The following MBTD1 variants were observed in gnomAD, a reference collection of about 807,000 sequenced individuals.
MBTD1 encodes the protein mbt domain containing 1.
MBTD1 carries 24 observed loss-of-function variants against 87.8 expected under a neutral mutation model. The observed-to-expected ratio is 0.27, with a 90% CI of 0.20 to 0.38. The LOEUF is 0.38. MBTD1 is among the 10% of genes least tolerant of loss of function. The pLI is 1.00. For missense variants in MBTD1, 436 were observed against 760.2 expected (o/e 0.57, Z 5.02); for synonymous variants, 237 against 248.6 (o/e 0.95, Z 0.44).
intron 10 of MBTD1, 70 bp from the exon 11 acceptor site, chr17:51,202,147 C>T: frequency 1.8e-5 from 16 of 872,720 alleles, no homozygotes; most frequent in Non-Finnish European, 2.7e-5. Context: ...TCTTTGAAGG[C>T]TTCAAACTCA....
chr17:51,179,519 TATA>T lies in MBTD1; in HGVS notation c.*1054_*1056del, dbSNP rs1243995849. ...ATATATATATATATATATATATATA[TATA>T]TATATATATATATATGGAATTTTAA... On this transcript the variant is annotated 3_prime_UTR_variant, in exon 17 of 17. Coordinates refer to ENST00000586178, the MANE Select transcript of MBTD1 (RefSeq NM_017643.3). 56 of 103,380 alleles carry T rather than the reference TATA, an allele frequency of 5.4e-4. 5 individuals carry two copies. Among genetic ancestry groups the T allele is most frequent in the African/African-American group, 2.0e-3 (53 of 27,040 alleles). 6.4% of individuals were successfully genotyped at this position (103,380 alleles called of 1,614,324 possible).
chr17:51,231,520 G>A (rs749683311), intron 2 of MBTD1, among the ~76,000 whole-genome samples: 1 of 152,040 alleles, frequency 6.6e-6, no homozygotes, highest in Non-Finnish European at 1.5e-5. Flanking sequence ...ACTTTAATAT[G>A]CTTATGAACA....
intron 16 of MBTD1, among the ~76,000 whole-genome samples, chr17:51,190,005 A>C (rs2050721991): frequency 6.6e-6 from 1 of 152,202 alleles, no homozygotes; most frequent in Non-Finnish European, 1.5e-5. Context: ...GTAGGTTGCT[A>C]CTTGTGTGTG....
intron 16 of MBTD1, among the ~76,000 whole-genome samples, chr17:51,187,559 T>G (rs375124169): frequency 6.6e-6 from 1 of 152,004 alleles, no homozygotes; most frequent in African/African-American, 2.4e-5. Context: ...TATTGAAAGC[T>G]GAAGGATCAG....
intron 16 of MBTD1, 94 bp from the exon 17 acceptor site, chr17:51,180,788 T>C: frequency 1.4e-6 from 1 of 693,150 alleles, no homozygotes. Flanking sequence ...TTACAGTTAT[T>C]AAGACTTCTT....
intron 6 of MBTD1, among the ~76,000 whole-genome samples, 180 bp from the exon 7 acceptor site, chr17:51,207,185 GA>G (rs1289940030): frequency 6.6e-6 from 1 of 152,082 alleles, no homozygotes; most frequent in African/African-American, 2.4e-5. Context: ...AAGATAAAGA[GA>G]AAATTCACAT....
At chr17:51,251,044 TTTC>T (rs1203166794) in intron 2 of MBTD1, 4 of 152,186 alleles carry the variant, frequency 2.6e-5, no homozygotes, top group African/African-American at 4.8e-5. Flanking sequence ...TTTCAGAATA[TTTC>T]TTAATTTTAT....
intron 2 of MBTD1, among the ~76,000 whole-genome samples, chr17:51,239,332 A>G (rs1325372694): frequency 6.6e-6 from 1 of 152,180 alleles, no homozygotes. Flanking sequence ...CATGTCCTTT[A>G]TTATAAGATC....
intron 16 of MBTD1, among the ~76,000 whole-genome samples, chr17:51,181,184 G>A (rs2050297982): frequency 6.6e-6 from 1 of 151,842 alleles, no homozygotes; most frequent in African/African-American, 2.4e-5. Context: ...CCACCACCAC[G>A]CCCAGCTAAT....
At position 51,255,880 on chromosome 17, in the gene MBTD1, T is replaced by A. The variant is rs8077566; in HGVS notation, c.-49+3263A>T. On this transcript the variant is annotated intron_variant, in intron 2 of 16. Transcript: ENST00000586178. ...CTCAAAGTATTGGGATTACAGGCGTTAGCCAACACACCTGGTTAATATTAA... is the reference window on the plus strand; with the variant it reads ...CTCAAAGTATTGGGATTACAGGCGTAAGCCAACACACCTGGTTAATATTAA... Among the ~76,000 whole-genome samples, 4 of 152,158 alleles carry A rather than the reference T, an allele frequency of 2.6e-5. No individual in the cohort carries two copies. The East Asian group carries it at 7.7e-4, about 29-fold the overall frequency.
intron 6 of MBTD1, 138 bp from the exon 7 acceptor site, chr17:51,207,143 C>G (rs1298677793): frequency 5.8e-6 from 3 of 521,720 alleles, no homozygotes; most frequent in Non-Finnish European, 1.0e-5. Context: ...TCCTAGAATT[C>G]TATCTGGAAA....
intron 1 of MBTD1, among the ~76,000 whole-genome samples, 193 bp downstream of exon 1, chr17:51,259,642 G>A (rs972978019): frequency 4.0e-5 from 6 of 150,948 alleles, no homozygotes; most frequent in African/African-American, 9.7e-5. Flanking sequence ...CAAGGCTGAC[G>A]GGGTGGGGGG....
rs941854883 is a variant in MBTD1 at position 51,178,990 on chromosome 17, G to A, written c.*1586C>T. On this transcript the variant is annotated 3_prime_UTR_variant, in exon 17 of 17. Transcript: ENST00000586178. Reference sequence around the variant, plus strand: ...CAATGCTATTATTCCCAAAAGTAGAGCAATATTTTAGAAAATAAATTGCTG... The same window carrying A: ...CAATGCTATTATTCCCAAAAGTAGAACAATATTTTAGAAAATAAATTGCTG... The A allele has an allele frequency of 2.6e-5, 4 of 152,058 alleles. No homozygotes were observed. Among genetic ancestry groups the A allele is most frequent in the African/African-American group, 7.2e-5 (3 of 41,406 alleles). 9.4% of individuals were successfully genotyped at this position (152,058 alleles called of 1,614,324 possible).
intron 2 of MBTD1, among the ~76,000 whole-genome samples, chr17:51,236,202 GT>G (rs2143924189): frequency 1.3e-5 from 2 of 152,076 alleles, no homozygotes; most frequent in Non-Finnish European, 2.9e-5. Flanking sequence ...TATCCCCAGT[GT>G]TTTGTTCACA....
rs1322834780 is a variant in MBTD1, at chr17:51,202,453, T to A, written c.1063+248A>T. ...TAGATCTTTCAAATGGGCTGAATAA[T>A]AAAAGAAAGAAACAATTATAGTTGT... On this transcript the variant is annotated intron_variant, in intron 10 of 16. Coordinates refer to ENST00000586178, the MANE Select transcript of MBTD1 (RefSeq NM_017643.3). Among the ~76,000 whole-genome samples, 3 of 152,202 alleles carry A rather than the reference T, an allele frequency of 2.0e-5. No homozygotes were observed. The East Asian group carries it at 5.8e-4, about 29-fold the overall frequency.
At chr17:51,215,879 C>A (rs1272336178) in intron 6 of MBTD1, among the ~76,000 whole-genome samples, 1 of 150,810 alleles carries the variant, frequency 6.6e-6, no homozygotes, top group Non-Finnish European at 1.5e-5. Flanking sequence ...ACAACAGGAA[C>A]CTAAGCTCAG....
intron 13 of MBTD1, 58 bp from the exon 14 acceptor site, chr17:51,193,568 T>C: frequency 1.0e-6 from 1 of 953,382 alleles, no homozygotes; most frequent in Non-Finnish European, 1.7e-6. Flanking sequence ...AATATTAAAA[T>C]GCAGACAAAA....
At chr17:51,260,665 G>A (rs745375002), upstream of MBTD1, 7 of 1,611,732 alleles carry the variant, frequency 4.3e-6, no homozygotes, top group South Asian at 2.2e-5. Flanking sequence ...GAATGAGGCC[G>A]GACTGGAAAG....
At chr17:51,223,288 T>C (rs1460906187) in intron 3 of MBTD1, among the ~76,000 whole-genome samples, 2 of 151,914 alleles carry the variant, frequency 1.3e-5, no homozygotes, top group Non-Finnish European at 2.9e-5. Context: ...ATCCCAGCAC[T>C]TTGGGAGGCT....
Sources: allele counts gnomAD v4.1 joint callset (sites outside exome capture counted in the v4.1 genomes callset), GRCh38; gene constraint gnomAD v4.1.1; transcripts MANE v1.5; gene names NCBI Gene and HGNC (gene_info 2026-07-23, HGNC 2026-07-21).